Variants in MATCAP2 observed in about 807,000 individuals in gnomAD.
MATCAP2 encodes the protein microtubule associated tyrosine carboxypeptidase 2.
At chr7:36,324,572 A>G in the MATCAP2 span, 1 of 152,192 alleles carries the variant, frequency 6.6e-6, no homozygotes, top group East Asian at 1.9e-4. Flanking sequence ...TGTTTATTAA[A>G]ACTTTTTATT....
the MATCAP2 span, among the ~76,000 whole-genome samples, chr7:36,346,891 G>A: frequency 6.6e-6 from 1 of 152,124 alleles, no homozygotes; most frequent in African/African-American, 2.4e-5. Context: ...CTCCTGAGTA[G>A]CTAGGATTAT....
chr7:36,381,009 C>T, the MATCAP2 span, among the ~76,000 whole-genome samples: 1 of 152,114 alleles, frequency 6.6e-6, no homozygotes, highest in Admixed American at 6.5e-5. Flanking sequence ...GATTGAGCTA[C>T]GTATGAGGCA....
the MATCAP2 span, among the ~76,000 whole-genome samples, chr7:36,358,461 C>G: frequency 6.6e-6 from 1 of 152,118 alleles, no homozygotes; most frequent in Admixed American, 6.5e-5. Context: ...TAATTCTAAG[C>G]TGTACGTTAA....
chr7:36,358,612 TAAGA>T, the MATCAP2 span, among the ~76,000 whole-genome samples: 7 of 152,238 alleles, frequency 4.6e-5, no homozygotes, highest in Non-Finnish European at 8.8e-5. Context: ...TTTAAACAGA[TAAGA>T]ATCACTGGAT....
chr7:36,325,491 A>T, the MATCAP2 span: 1 of 152,244 alleles, frequency 6.6e-6, no homozygotes, highest in African/African-American at 2.4e-5. Context: ...GCTTCACAGT[A>T]TATATCTACC....
At chr7:36,382,375 A>T in the MATCAP2 span, among the ~76,000 whole-genome samples, 1 of 150,512 alleles carries the variant, frequency 6.6e-6, no homozygotes, top group African/African-American at 2.4e-5. Flanking sequence ...AAGATGTTAT[A>T]TTTGATGTTC....
chr7:36,379,845 C>CAG, the MATCAP2 span, among the ~76,000 whole-genome samples: 612 of 125,348 alleles, frequency 4.9e-3, 5 homozygotes, highest in African/African-American at 0.017. Flanking sequence ...CACACACACA[C>CAG]ACAGAGAGAG....
the MATCAP2 span, among the ~76,000 whole-genome samples, chr7:36,341,006 T>C: frequency 6.6e-6 from 1 of 152,232 alleles, no homozygotes; most frequent in Non-Finnish European, 1.5e-5. Flanking sequence ...ATTGATGGGT[T>C]ACACTGATGT....
At chr7:36,389,771 C>A in the MATCAP2 span, 1 of 520,276 alleles carries the variant, frequency 1.9e-6, no homozygotes, top group Non-Finnish European at 3.2e-6. Flanking sequence ...CGTGACCGAG[C>A]GCAGGGGCGG....
the MATCAP2 span, among the ~76,000 whole-genome samples, chr7:36,388,450 T>C: frequency 1.3e-5 from 2 of 152,236 alleles, no homozygotes; most frequent in African/African-American, 4.8e-5. Context: ...AAATTCTTTT[T>C]GTAATGTTGA....
chr7:36,363,683 T>C, the MATCAP2 span, among the ~76,000 whole-genome samples: 1 of 152,212 alleles, frequency 6.6e-6, no homozygotes, highest in Non-Finnish European at 1.5e-5. Context: ...GAATCTTGGC[T>C]CTGTTTATTA....
chr7:36,371,703 G>C, the MATCAP2 span, among the ~76,000 whole-genome samples: 14 of 152,128 alleles, frequency 9.2e-5, no homozygotes, highest in Non-Finnish European at 2.1e-4. Flanking sequence ...GCATGGACAA[G>C]GCTGCCAGAA....
chr7:36,366,184 C>A, the MATCAP2 span, among the ~76,000 whole-genome samples: 4 of 152,076 alleles, frequency 2.6e-5, no homozygotes, highest in African/African-American at 9.7e-5. Context: ...CTGCCAAAAC[C>A]CTGCTTGCAG....
the MATCAP2 span, chr7:36,334,177 G>A: frequency 4.5e-6 from 7 of 1,553,066 alleles, no homozygotes; most frequent in Non-Finnish European, 6.1e-6. Flanking sequence ...GAGAAGAAAA[G>A]TTACATGAAG....
chr7:36,324,337 T>A, the MATCAP2 span: 1 of 152,192 alleles, frequency 6.6e-6, no homozygotes, highest in African/African-American at 2.4e-5. Flanking sequence ...TATAAAGAAA[T>A]GAAGACTATG....
At chr7:36,352,211 C>A in the MATCAP2 span, among the ~76,000 whole-genome samples, 2 of 151,556 alleles carry the variant, frequency 1.3e-5, no homozygotes, top group East Asian at 3.9e-4. Flanking sequence ...GCCTGGCCAA[C>A]ATGGCGAAAC....
chr7:36,385,292 A>G, the MATCAP2 span, among the ~76,000 whole-genome samples: 1 of 152,302 alleles, frequency 6.6e-6, no homozygotes, highest in African/African-American at 2.4e-5. Context: ...TCAGAAGAGG[A>G]TTTTCTTTTC....
chr7:36,385,312 T>C, the MATCAP2 span, among the ~76,000 whole-genome samples: 1 of 152,234 alleles, frequency 6.6e-6, no homozygotes. Flanking sequence ...CTTTTCTTTT[T>C]GGATCTTGAG....
At chr7:36,380,936 G>A in the MATCAP2 span, among the ~76,000 whole-genome samples, 12 of 152,128 alleles carry the variant, frequency 7.9e-5, no homozygotes, top group South Asian at 2.1e-4. Flanking sequence ...TCACCATGTT[G>A]GCCAGGCTGG....
Sources: allele counts gnomAD v4.1 joint callset (sites outside exome capture counted in the v4.1 genomes callset), GRCh38; gene constraint gnomAD v4.1.1; transcripts MANE v1.5; gene names NCBI Gene and HGNC (gene_info 2026-07-23, HGNC 2026-07-21).